ABCA13: variants seen among roughly 807,000 people sequenced by gnomAD.
ABCA13 encodes the protein ATP binding cassette subfamily A member 13, also known as ATP-binding cassette sub-family A member 13.
Under a neutral mutation model 478.7 loss-of-function variants are expected in ABCA13, and 476 were observed. The ratio of observed to expected loss-of-function variants is 0.99; its 90% CI spans 0.92 to 1.07. The LOEUF (loss-of-function observed/expected upper bound fraction) is 1.07. Among genes scored for constraint, ABCA13 ranks in the 50% least tolerant of loss-of-function variants. The probability of loss-of-function intolerance (pLI) is 0.00; values close to 1 mark genes in which losing one functional copy is unlikely to be tolerated. For synonymous variants in ABCA13, 2,252 were observed against 2,158.9 expected (o/e 1.04, Z -1.20); for missense variants, 6,060 against 5,910.6 (o/e 1.03, Z -0.83).
intron 6 of ABCA13, among the ~76,000 whole-genome samples, chr7:48,228,726 G>A (rs1218912717): frequency 6.6e-6 from 1 of 152,210 alleles, no homozygotes; most frequent in Non-Finnish European, 1.5e-5. Context: ...ATTTGTCAAT[G>A]TAGGAAAATG....
chr7:48,204,111 CTT>C (rs34262924), intron 3 of ABCA13, among the ~76,000 whole-genome samples: 28 of 137,808 alleles, frequency 2.0e-4, no homozygotes, highest in South Asian at 1.6e-3. Flanking sequence ...TCTTGACACT[CTT>C]TTTTTTTTTT....
chr7:48,497,775 G>A (rs984136697), intron 48 of ABCA13, among the ~76,000 whole-genome samples: 3 of 152,198 alleles, frequency 2.0e-5, no homozygotes, highest in Non-Finnish European at 4.4e-5. Flanking sequence ...AGTAGAGTCT[G>A]CTCCCCATTG....
chr7:48,415,237 T>C (rs555694490), intron 41 of ABCA13, among the ~76,000 whole-genome samples: 6 of 152,310 alleles, frequency 3.9e-5, no homozygotes, highest in African/African-American at 1.4e-4. Flanking sequence ...ATGAGTCAGT[T>C]TCCCTACAGA....
chr7:48,185,388 A>T (rs2128878984), intron 1 of ABCA13, among the ~76,000 whole-genome samples: 1 of 152,322 alleles, frequency 6.6e-6, no homozygotes, highest in South Asian at 2.1e-4. Context: ...ATTTTTGACC[A>T]TTCTTCTCCC....
chr7:48,348,262 T>C (rs1808411484), intron 29 of ABCA13, among the ~76,000 whole-genome samples: 1 of 152,200 alleles, frequency 6.6e-6, no homozygotes, highest in Admixed American at 6.5e-5. Context: ...AACTCTGAGA[T>C]GCTGTGTCCC....
chr7:48,243,339 G>C (rs1478240642), intron 10 of ABCA13, among the ~76,000 whole-genome samples: 2 of 152,228 alleles, frequency 1.3e-5, no homozygotes, highest in Non-Finnish European at 2.9e-5. Context: ...CTTTCCAAGT[G>C]CCACTCTGCT....
At chr7:48,612,283 G>A (rs968329010) in intron 58 of ABCA13, 1 of 152,178 alleles carries the variant, frequency 6.6e-6, no homozygotes, top group African/African-American at 2.4e-5. Context: ...CCACATTGAG[G>A]TGCATGGAAG....
rs531035548 is a variant in ABCA13, at chr7:48,248,499, C to A, written c.1865+55C>A. 6 of 1,357,778 alleles carry A rather than the reference C, an allele frequency of 4.4e-6. No homozygotes were observed. In the South Asian group the frequency reaches 4.7e-5, roughly 11 times the overall value. 84.1% of individuals were successfully genotyped at this position (1,357,778 alleles called of 1,614,324 possible). On this transcript the variant is annotated intron_variant, in intron 14 of 61. Coordinates refer to ENST00000435803, the MANE Select transcript of ABCA13 (RefSeq NM_152701.5). The stretch of plus-strand genomic sequence containing the variant: ...AACAATTGGGACATCAGAATGATTT[C>A]AACTGCCCCTTCTACACAAATGATA...
At chr7:48,492,582 C>T (rs1308370198) in intron 48 of ABCA13, among the ~76,000 whole-genome samples, 1 of 152,090 alleles carries the variant, frequency 6.6e-6, no homozygotes, top group Non-Finnish European at 1.5e-5. Flanking sequence ...GAGGAGGAAC[C>T]TTTGAGAGGT....
At chr7:48,644,908 T>A (rs531713052) in intron 61 of ABCA13, among the ~76,000 whole-genome samples, 154 bp downstream of exon 61, 1 of 152,310 alleles carries the variant, frequency 6.6e-6, no homozygotes, top group African/African-American at 2.4e-5. Flanking sequence ...ATGGTGAGTG[T>A]CAGAAAGTTT....
chr7:48,264,894 C>T (rs1695417744), intron 15 of ABCA13, among the ~76,000 whole-genome samples: 1 of 151,560 alleles, frequency 6.6e-6, no homozygotes, highest in African/African-American at 2.4e-5. Flanking sequence ...TATATTTTTT[C>T]TATGAGTTTA....
chr7:48,381,539 G>T (rs1814386581), intron 35 of ABCA13, among the ~76,000 whole-genome samples: 1 of 152,138 alleles, frequency 6.6e-6, no homozygotes, highest in Non-Finnish European at 1.5e-5. Flanking sequence ...ATCATTTCCT[G>T]GCCTGCGGGG....
Position 48,245,534 on chromosome 7 carries a change from A to G in ABCA13, c.1413A>G (p.Thr471=). Residue 471 remains threonine, a synonymous_variant, in exon 12 of 62, where the codon ACA becomes ACG. Coordinates refer to ENST00000435803, the MANE Select transcript of ABCA13 (RefSeq NM_152701.5). ...FVQEVLICLE[T]SANDFKWFEL... is the part of the protein sequence containing the mutation. ...CAGAAGTCCTCATTTGCCTGGAGAC[A>G]TCAGCTAATGATTTTAAATGGTTTG... The G allele has an allele frequency of 6.2e-7, 1 of 1,612,334 alleles. No homozygotes were observed. The highest frequency in any genetic ancestry group is 8.5e-7 in the Non-Finnish European group (1 of 1,179,442).
chr7:48,441,463 C>G (rs1331719093), intron 42 of ABCA13, among the ~76,000 whole-genome samples: 1 of 152,114 alleles, frequency 6.6e-6, no homozygotes, highest in African/African-American at 2.4e-5. Context: ...TAAGGGATAG[C>G]TCTGAAATAA....
intron 7 of ABCA13, among the ~76,000 whole-genome samples, chr7:48,232,652 T>A (rs1286507748): frequency 6.6e-6 from 1 of 152,230 alleles, no homozygotes; most frequent in Non-Finnish European, 1.5e-5. Flanking sequence ...AATCTACACA[T>A]TCTGAATTCT....
chr7:48,316,073 C>T lies in ABCA13; in HGVS notation c.9860-1084C>T, dbSNP rs538538215. Among the ~76,000 whole-genome samples, 213 of 152,056 alleles carry T rather than the reference C, an allele frequency of 1.4e-3. 2 individuals are homozygous for T. Among genetic ancestry groups the T allele is most frequent in the African/African-American group, 4.6e-3 (191 of 41,476 alleles). On this transcript the variant is annotated intron_variant, in intron 26 of 61. Coordinates refer to ENST00000435803, the MANE Select transcript of ABCA13 (RefSeq NM_152701.5). ...GCTTAAAACCTTATAAGATTTAGTT[C>T]CTACTCATTATGGTGATGAAATCTC...
At chr7:48,232,139 A>ATTTTAATTTTTTTTTTTTTTTTTTTT in intron 7 of ABCA13, among the ~76,000 whole-genome samples, 1 of 51,312 alleles carries the variant, frequency 1.9e-5, no homozygotes, top group East Asian at 5.4e-4. Context: ...CCCACATGGA[A>ATTTTAATTTTTTTTTTTTTTTTTTTT]TTTTTTTTTT....
chr7:48,585,918 T>C (rs984099226), intron 56 of ABCA13, among the ~76,000 whole-genome samples: 6 of 152,116 alleles, frequency 3.9e-5, no homozygotes, highest in Non-Finnish European at 7.4e-5. Flanking sequence ...GAAGAATTAA[T>C]CCAGCATAGG....
chr7:48,547,694 C>A (rs1784944426), intron 55 of ABCA13, among the ~76,000 whole-genome samples: 1 of 151,712 alleles, frequency 6.6e-6, no homozygotes, highest in Non-Finnish European at 1.5e-5. Flanking sequence ...CTTTGGGTAC[C>A]CATACAATCA....
Sources: allele counts gnomAD v4.1 joint callset (sites outside exome capture counted in the v4.1 genomes callset), GRCh38; gene constraint gnomAD v4.1.1; transcripts MANE v1.5; gene names NCBI Gene and HGNC (gene_info 2026-07-23, HGNC 2026-07-21).